Variants in PDE1B observed in about 807,000 individuals in gnomAD.
PDE1B encodes the protein phosphodiesterase 1B, also known as dual specificity calcium/calmodulin-dependent 3',5'-cyclic nucleotide phosphodiesterase 1B.
A neutral mutation model predicts 66.7 loss-of-function variants in PDE1B; 13 were observed. The ratio of observed to expected loss-of-function variants is 0.19; its 90% CI spans 0.13 to 0.31. The LOEUF (loss-of-function observed/expected upper bound fraction) is 0.31, where lower values mean the gene tolerates loss of function less well. PDE1B is among the 10% of genes least tolerant of loss of function. PDE1B has a pLI of 1.00. For synonymous variants in PDE1B, 230 were observed against 253.9 expected, an observed-to-expected ratio of 0.91 and a Z score of 0.90; for missense variants, 485 against 682.3, an observed-to-expected ratio of 0.71 and a Z score of 3.22.
Position 54,569,411 on chromosome 12 carries a change from C to A in PDE1B, c.410+45C>A, listed in dbSNP as rs147607702. ...AGCCTCCCTCTGCCTTTAGCTGTGCCCCTCTTTCCCAGCCACCCTGGTCTT... is the reference window on the plus strand; with the variant it reads ...AGCCTCCCTCTGCCTTTAGCTGTGCACCTCTTTCCCAGCCACCCTGGTCTT... On this transcript the variant is annotated intron_variant, in intron 4 of 15. Coordinates refer to ENST00000243052, the MANE Select transcript of PDE1B (RefSeq NM_000924.4). This position sits in a 1 kb window ranked among gnomAD's most constrained non-coding sequence, Gnocchi z 4.4. 9,762 of 1,589,074 alleles carry A rather than the reference C, an allele frequency of 6.1e-3. 47 individuals are homozygous for A. Among genetic ancestry groups the A allele is most frequent in the Non-Finnish European group, 6.4e-3 (7,514 of 1,165,512 alleles).
chr12:54,573,347 C>T lies in PDE1B; in HGVS notation c.837-8C>T, dbSNP rs1379361809. 2 of 1,613,988 alleles carry T rather than the reference C, an allele frequency of 1.2e-6. No individual in the cohort carries two copies. Among genetic ancestry groups the T allele is most frequent in the South Asian group, 1.1e-5 (1 of 91,086 alleles). ...AGGGGGTGGTCATGATGACCTTTGGCTTTGTAGGTCAGAATGTGCCATCGT... is the reference window on the plus strand; with the variant it reads ...AGGGGGTGGTCATGATGACCTTTGGTTTTGTAGGTCAGAATGTGCCATCGT... On this transcript the variant is annotated splice_polypyrimidine_tract_variant and splice_region_variant and intron_variant, in intron 8 of 15. Transcript: ENST00000243052. The surrounding 1 kb of genome is among the most constrained non-coding windows in gnomAD (Gnocchi z 5.2).
At chr12:54,577,669 G>A (rs1402911597) in intron 15 of PDE1B, 191 bp from the exon 16 acceptor site, 2 of 977,078 alleles carry the variant, frequency 2.0e-6, no homozygotes, top group East Asian at 5.4e-5. Flanking sequence ...AGGGCACACA[G>A]CTCAGTGAGG....
At chr12:54,564,028 A>G (rs1298693231) in intron 2 of PDE1B, among the ~76,000 whole-genome samples, 1 of 152,146 alleles carries the variant, frequency 6.6e-6, no homozygotes, top group African/African-American at 2.4e-5. Flanking sequence ...CTGTTGAACC[A>G]AACATGATCC....
intron 15 of PDE1B, 181 bp downstream of exon 15, chr12:54,577,526 C>G (rs530577519): frequency 6.4e-7 from 1 of 1,567,678 alleles, no homozygotes; most frequent in Non-Finnish European, 8.6e-7. Flanking sequence ...CTCCCACGCT[C>G]TTCTGTCCCC....
rs1295197573 is a variant in PDE1B, at chr12:54,577,215, T to A, written c.1508-10T>A. ...GGCCTAAGCTCAGCCTCCTTTATGCTCCTCTACAGGCATCACCAACCAGAT... is the reference window on the plus strand; with the variant it reads ...GGCCTAAGCTCAGCCTCCTTTATGCACCTCTACAGGCATCACCAACCAGAT... On this transcript the variant is annotated splice_polypyrimidine_tract_variant and intron_variant, in intron 14 of 15. Coordinates refer to ENST00000243052, the MANE Select transcript of PDE1B (RefSeq NM_000924.4). 1 of 1,610,504 alleles carries A rather than the reference T, an allele frequency of 6.2e-7. No homozygotes were observed. Among genetic ancestry groups the A allele is most frequent in the South Asian group, 1.1e-5 (1 of 90,800 alleles).
In PDE1B at chr12:54,577,319, T is replaced by C; in HGVS notation, c.1602T>C (p.Asn534=). 6.2e-7 allele frequency: 1 copy of C among 1,613,884 alleles called. No homozygotes were observed. The highest frequency in any genetic ancestry group is 8.5e-7 in the Non-Finnish European group (1 of 1,179,968). The change falls in exon 15 of 16, where the codon AAT becomes AAC. Residue 534 remains asparagine (N), a synonymous_variant. Coordinates refer to ENST00000243052, the MANE Select transcript of PDE1B (RefSeq NM_000924.4). ...PAEDEHNQNG[N]LD ...AAGATGAACACAACCAGAATGGGAA[T>C]CTGGATTAGCCCTGGGGCTGGCCCA...
chr12:54,570,132 T>A, intron 5 of PDE1B, 109 bp from the exon 6 acceptor site: 1 of 707,150 alleles, frequency 1.4e-6, no homozygotes, highest in Non-Finnish European at 2.6e-6. Flanking sequence ...TTACCATTTC[T>A]TTGCTTTCCT....
In PDE1B at chr12:54,573,544, T is replaced by G. The variant is rs955117338; in HGVS notation, c.962+64T>G. 47 of 1,612,268 alleles carry G rather than the reference T, an allele frequency of 2.9e-5. No homozygotes were observed. Among genetic ancestry groups the G allele is most frequent in the Non-Finnish European group, 3.8e-5 (45 of 1,178,390 alleles). On this transcript the variant is annotated intron_variant, in intron 9 of 15. Transcript: ENST00000243052. This position sits in a 1 kb window ranked among gnomAD's most constrained non-coding sequence, Gnocchi z 5.2. ...CCTTACCACAAACTCCATTTTCCAC[T>G]TCCTGGACCTCCTGCCCAGCAGCGC...
intron 1 of PDE1B, 33 bp downstream of exon 1, chr12:54,549,805 T>A: frequency 7.9e-7 from 1 of 1,269,872 alleles, no homozygotes. Flanking sequence ...GGTGAGGGTC[T>A]CTCGGCTGGG....
intron 2 of PDE1B, 56 bp from the exon 3 acceptor site, chr12:54,566,918 G>A: frequency 2.4e-6 from 2 of 849,302 alleles, no homozygotes; most frequent in Admixed American, 2.0e-5. Flanking sequence ...GGAGTATGCT[G>A]TTCTCATGAT....
chr12:54,558,075 T>G (rs1342298593), intron 2 of PDE1B, among the ~76,000 whole-genome samples: 1 of 152,108 alleles, frequency 6.6e-6, no homozygotes, highest in African/African-American at 2.4e-5. Flanking sequence ...GTGATCTGAG[T>G]TGTGCTGGGC....
At chr12:54,564,736 T>C (rs565861993) in intron 2 of PDE1B, among the ~76,000 whole-genome samples, 2 of 152,214 alleles carry the variant, frequency 1.3e-5, no homozygotes, top group African/African-American at 2.4e-5. Flanking sequence ...GAATCTATAT[T>C]TTTTACATGG....
chr12:54,562,124 C>T (rs1957428269), intron 2 of PDE1B, among the ~76,000 whole-genome samples: 1 of 152,082 alleles, frequency 6.6e-6, no homozygotes, highest in African/African-American at 2.4e-5. Context: ...CTCTGGCTTC[C>T]CTGTCCTAAG....
rs773155233 is a variant in PDE1B, at chr12:54,577,277, C to A, written c.1560C>A (p.Ala520=). 3 of 1,613,654 alleles carry A rather than the reference C, an allele frequency of 1.9e-6. No individual in the cohort carries two copies. Among genetic ancestry groups the A allele is most frequent in the Non-Finnish European group, 2.5e-6 (3 of 1,179,820 alleles). The change falls in exon 15 of 16, where the codon GCC becomes GCA. Residue 520 remains alanine, a synonymous_variant. Transcript: ENST00000243052. ...IDELSPCEEE[A]PPSPAEDEHN... ...AGCTGTCCCCCTGTGAAGAAGAGGC[C>A]CCCCCATCCCCTGCCGAAGATGAAC...
In PDE1B at chr12:54,578,800, G is replaced by C. The variant is rs1271262775; in HGVS notation, c.*958G>C. 1 of 152,266 alleles carries C rather than the reference G, an allele frequency of 6.6e-6. No homozygotes were observed. Among genetic ancestry groups the C allele is most frequent in the Non-Finnish European group, 1.5e-5 (1 of 68,148 alleles). The allele number at this position is 152,266 out of a possible 1,614,324, so 9.4% of individuals were successfully genotyped here. A position where few individuals can be genotyped will look rare whatever the true frequency, so the allele number is the denominator to read the frequency against. ...GTAATCCTGCATTGCTAAAAGAGAG[G>C]GTCTGTCCCCTCCTCTCCACGTCCC... On this transcript the variant is annotated 3_prime_UTR_variant, in exon 16 of 16. Transcript: ENST00000243052.
In PDE1B at chr12:54,549,630, G is replaced by T. The variant is rs1399426753; in HGVS notation, c.-156G>T. 6.3e-6 allele frequency: 3 copies of T among 474,894 alleles called. No individual in the cohort carries two copies. The highest frequency in any genetic ancestry group is 1.1e-5 in the Non-Finnish European group (3 of 269,468). 29.4% of individuals were successfully genotyped at this position (474,894 alleles called of 1,614,324 possible). ...CGCGGCGGCGGCGGCGGTAGCGGCA[G>T]CAGCAGCGGCGGTGCGGAGAGCTTG... is the stretch of plus-strand genomic sequence containing the variant. On this transcript the variant is annotated 5_prime_UTR_variant, in exon 1 of 16. Coordinates refer to ENST00000243052, the MANE Select transcript of PDE1B (RefSeq NM_000924.4).
chr12:54,568,567 G>A (rs192539067), intron 3 of PDE1B, among the ~76,000 whole-genome samples: 12 of 151,482 alleles, frequency 7.9e-5, no homozygotes, highest in African/African-American at 2.9e-4. Flanking sequence ...ATTTATTGCC[G>A]GGCACGGTGG....
At chr12:54,553,128 G>A (rs1320897431) in intron 2 of PDE1B, among the ~76,000 whole-genome samples, 1 of 151,994 alleles carries the variant, frequency 6.6e-6, no homozygotes, top group Non-Finnish European at 1.5e-5. Context: ...TCCATCAAGT[G>A]GTGTAGAGAG....
intron 3 of PDE1B, among the ~76,000 whole-genome samples, 176 bp downstream of exon 3, chr12:54,567,263 G>A (rs966700997): frequency 6.6e-6 from 1 of 152,048 alleles, no homozygotes; most frequent in African/African-American, 2.4e-5. Context: ...CTAGCACTTT[G>A]GAGGCCAAGA....
Sources: allele counts gnomAD v4.1 joint callset (sites outside exome capture counted in the v4.1 genomes callset), GRCh38; gene constraint gnomAD v4.1.1; non-coding constraint Gnocchi (gnomAD v3.1); transcripts MANE v1.5; gene names NCBI Gene and HGNC (gene_info 2026-07-23, HGNC 2026-07-21).